Variants in VPS13D observed in about 807,000 individuals in gnomAD.
VPS13D encodes intermembrane lipid transfer protein VPS13D.
In VPS13D, 187 loss-of-function variants were observed where a neutral mutation model predicts 461.9. That is an observed-to-expected ratio of 0.40 (90% confidence interval 0.36 to 0.46). The LOEUF is 0.46. Ranked by LOEUF, VPS13D falls within the 20% of genes least tolerant of loss-of-function variation. The pLI, the probability that VPS13D is intolerant of heterozygous loss-of-function variation, is 0.60. For synonymous variants in VPS13D, 1,951 were observed against 1,986.3 expected, an observed-to-expected ratio of 0.98 and a Z score of 0.47; for missense variants, 4,711 against 5,364.9, an observed-to-expected ratio of 0.88 and a Z score of 3.81.
chr1:12,418,787 A>G (rs1000912567), intron 65 of VPS13D, among the ~76,000 whole-genome samples: 10 of 152,222 alleles, frequency 6.6e-5, no homozygotes, highest in African/African-American at 2.4e-4. Flanking sequence ...CCAATCTATT[A>G]TGAACTACAG....
intron 24 of VPS13D, among the ~76,000 whole-genome samples, chr1:12,296,125 A>G (rs558069173): frequency 6.6e-6 from 1 of 152,112 alleles, no homozygotes; most frequent in South Asian, 2.1e-4. Flanking sequence ...TTTAGCTCTT[A>G]TGTACTGTGA....
intron 19 of VPS13D, among the ~76,000 whole-genome samples, chr1:12,278,739 A>C (rs929082486): frequency 6.6e-6 from 1 of 152,228 alleles, no homozygotes; most frequent in Non-Finnish European, 1.5e-5. Context: ...ATTTTAGCCC[A>C]AGATGCCTCA....
Position 12,493,976 on chromosome 1 carries a change from C to T in VPS13D, c.12663-3524C>T, listed in dbSNP as rs553599581. ...TGGGGGGAAAATTCCTTTAATCCAG[C>T]TTTCTGCTTCTAGGAAGAGTATGCC... On this transcript the variant is annotated intron_variant, in intron 67 of 69. Transcript: ENST00000620676. 2.0e-5 allele frequency among the ~76,000 whole-genome samples: 3 copies of T among 152,264 alleles called. No homozygotes were observed. In the East Asian group the frequency reaches 5.8e-4, roughly 29 times the overall value.
At chr1:12,384,654 C>T (rs1644327588) in intron 58 of VPS13D, among the ~76,000 whole-genome samples, 1 of 152,192 alleles carries the variant, frequency 6.6e-6, no homozygotes, top group Admixed American at 6.6e-5. Flanking sequence ...ATGTCACTCT[C>T]TTTCACCTAG....
In VPS13D at chr1:12,346,657, G is replaced by T; in HGVS notation, c.9069+5G>T. The T allele has an allele frequency of 6.2e-7, 1 of 1,612,428 alleles. No homozygotes were observed. Among genetic ancestry groups the T allele is most frequent in the East Asian group, 2.2e-5 (1 of 44,782 alleles). ...ATTATACATCCCCAGGTTTATGTAA[G>T]TATGATTTTCCTGTTGTCATTGTGT... On this transcript the variant is annotated splice_donor_5th_base_variant and intron_variant, in intron 44 of 69. Coordinates refer to ENST00000620676, the MANE Select transcript of VPS13D (RefSeq NM_015378.4).
intron 8 of VPS13D, 90 bp downstream of exon 8, chr1:12,256,593 G>C: frequency 7.0e-7 from 1 of 1,429,644 alleles, no homozygotes; most frequent in African/African-American, 1.4e-5. Flanking sequence ...CAGCAGGAAA[G>C]AAAGTTCATG....
At position 12,253,399 on chromosome 1, in the gene VPS13D, C is replaced by T. The variant is rs566635965; in HGVS notation, c.565-323C>T. ...ACTGTATGGTTGACCCAGCCCTTTC[C>T]TCCTACCCGACCATTTGCCTGAAAC... is the stretch of plus-strand genomic sequence containing the variant. On this transcript the variant is annotated intron_variant, in intron 6 of 69. Transcript: ENST00000620676. Among the ~76,000 whole-genome samples the T allele has an allele frequency of 3.0e-4, 45 of 152,292 alleles. No homozygotes were observed. The South Asian group carries it at 8.9e-3, about 30-fold the overall frequency.
intron 2 of VPS13D, 94 bp downstream of exon 2, chr1:12,234,457 C>T: frequency 1.0e-6 from 1 of 999,228 alleles, no homozygotes; most frequent in Non-Finnish European, 1.5e-6. Flanking sequence ...ACCTAATGCC[C>T]AGATGGCTTT....
At position 12,384,817 on chromosome 1, in the gene VPS13D, C is replaced by T. The variant is rs189159889; in HGVS notation, c.11371-443C>T. Among the ~76,000 whole-genome samples the T allele has an allele frequency of 1.6e-3, 240 of 152,160 alleles. 4 individuals carry two copies. The highest frequency in any genetic ancestry group is 5.6e-3 in the African/African-American group (231 of 41,492). On this transcript the variant is annotated intron_variant, in intron 58 of 69. Coordinates refer to ENST00000620676, the MANE Select transcript of VPS13D (RefSeq NM_015378.4). ...TTCATTTTTTGTGGAGATAGGGTCT[C>T]GCTATGTTCCCCAGGCTGGTCTTGA...
intron 68 of VPS13D, among the ~76,000 whole-genome samples, chr1:12,500,979 G>C (rs536559163): frequency 6.6e-6 from 1 of 151,902 alleles, no homozygotes; most frequent in Non-Finnish European, 1.5e-5. Flanking sequence ...GTTTGAGCCT[G>C]GGAGGTCAAG....
intron 67 of VPS13D, among the ~76,000 whole-genome samples, chr1:12,460,896 G>C (rs140371669): frequency 6.6e-6 from 1 of 151,824 alleles, no homozygotes; most frequent in South Asian, 2.1e-4. Context: ...TTTTCCTTCC[G>C]CTTGAAAGTA....
At position 12,338,305 on chromosome 1, in the gene VPS13D, G is replaced by A. The variant is rs1643494281; in HGVS notation, c.8626G>A (p.Ala2876Thr). 5 of 1,612,888 alleles carry A rather than the reference G, an allele frequency of 3.1e-6. No individual in the cohort carries two copies. The highest frequency in any genetic ancestry group is 4.2e-6 in the Non-Finnish European group (5 of 1,179,244). The change falls in exon 40 of 70, where the codon GCA (alanine) becomes ACA (threonine). Residue 2876 changes from alanine (A) to threonine (T), a missense_variant and splice_region_variant. By Grantham distance (58) the Ala-to-Thr change is moderately conservative. Around this residue, in one of 3 missense-constraint regions of VPS13D, gnomAD observed 4,411 missense variants for 4,937.8 expected, o/e 0.89. Transcript: ENST00000620676. ...TNLEHQIYAR[A>T]EVKTPKRRQP... ...CCTAGAGCACCAGATCTATGCTAGA[G>A]GTACAGTATAGCCAAGCGAGGGCTT...
At chr1:12,308,727 G>T in intron 27 of VPS13D, 86 bp downstream of exon 27, 1 of 1,264,118 alleles carries the variant, frequency 7.9e-7, no homozygotes, top group East Asian at 2.3e-5. Flanking sequence ...TTGGCTCACT[G>T]CAACCTCCAC....
chr1:12,360,162 T>C (rs1158392600), intron 50 of VPS13D, among the ~76,000 whole-genome samples: 1 of 152,228 alleles, frequency 6.6e-6, no homozygotes, highest in Non-Finnish European at 1.5e-5. Flanking sequence ...AAGACTGTGA[T>C]TTAAGTTTTG....
rs1344499826 is a variant in VPS13D, at chr1:12,277,691, C to T, written c.4103C>T (p.Ser1368Phe). ...ATATATGGGTTTGACCTAGCTTCGT[C>T]TCATTTGGACACTGTAAAGCTAATC... The part of the protein sequence containing the change: ...NEIYGFDLAS[S>F]HLDTVKLILN... The change falls in exon 19 of 70, where the codon TCT (serine) becomes TTT (phenylalanine). Residue 1368 changes from serine (S) to phenylalanine (F), a missense_variant. Physicochemically the swap from Ser to Phe is radical, Grantham distance 155. Transcript: ENST00000620676. The T allele has an allele frequency of 1.2e-6, 2 of 1,614,190 alleles. No homozygotes were observed. The highest frequency in any genetic ancestry group is 2.2e-5 in the South Asian group (2 of 91,072).
intron 59 of VPS13D, among the ~76,000 whole-genome samples, 179 bp from the exon 60 acceptor site, chr1:12,386,006 T>G (rs1644346675): frequency 6.6e-6 from 1 of 152,134 alleles, no homozygotes; most frequent in South Asian, 2.1e-4. Context: ...AAGCAAGGCT[T>G]CCAGTGAGAT....
At chr1:12,370,620 C>T (rs551757898) in intron 54 of VPS13D, among the ~76,000 whole-genome samples, 10 of 152,182 alleles carry the variant, frequency 6.6e-5, no homozygotes, top group Non-Finnish European at 1.5e-4. Flanking sequence ...TGTCTGTTGA[C>T]GTTCCCTTTG....
chr1:12,256,813 G>C (rs1343682988), intron 8 of VPS13D, among the ~76,000 whole-genome samples, 174 bp from the exon 9 acceptor site: 1 of 151,590 alleles, frequency 6.6e-6, no homozygotes, highest in African/African-American at 2.4e-5. Context: ...AGGCTTAACT[G>C]TCAGGGTTCA....
chr1:12,470,758 A>G (rs552577531), intron 67 of VPS13D, among the ~76,000 whole-genome samples: 3 of 152,262 alleles, frequency 2.0e-5, no homozygotes, highest in Admixed American at 6.5e-5. Flanking sequence ...TGAAGAACTC[A>G]TTTTTTAGTG....
Sources: gnomAD v4.1 joint callset for allele counts (sites outside exome capture counted in the v4.1 genomes callset) on GRCh38, gnomAD v4.1.1 for gene constraint, gnomAD v4.1.1 regional missense constraint, MANE v1.5 for transcripts, NCBI Gene and HGNC (gene_info 2026-07-23, HGNC 2026-07-21) for gene names.